The following ATRNL1 variants were observed in gnomAD, a reference collection of about 807,000 sequenced individuals.
The protein encoded by ATRNL1 is attractin like 1.
Under a neutral mutation model 182.7 loss-of-function variants are expected in ATRNL1, and 95 were observed. The observed-to-expected ratio is 0.52, with a 90% CI of 0.44 to 0.62. The LOEUF (loss-of-function observed/expected upper bound fraction) is 0.62. Ranked by LOEUF, ATRNL1 falls within the 20% of genes least tolerant of loss-of-function variation. The pLI, the probability that ATRNL1 is intolerant of heterozygous loss-of-function variation, is 0.00. For missense variants in ATRNL1, 1,471 were observed against 1,679.5 expected, an observed-to-expected ratio of 0.88 and a Z score of 2.17; for synonymous variants, 576 against 568.3, an observed-to-expected ratio of 1.01 and a Z score of -0.19.
chr10:115,473,109 T>A (rs1848380570), intron 24 of ATRNL1, among the ~76,000 whole-genome samples: 1 of 151,284 alleles, frequency 6.6e-6, no homozygotes, highest in African/African-American at 2.4e-5. Context: ...ATCATATAAT[T>A]TTTGTCCTTC....
At chr10:115,452,357 T>G (rs940001925) in intron 21 of ATRNL1, among the ~76,000 whole-genome samples, 2 of 152,214 alleles carry the variant, frequency 1.3e-5, no homozygotes, top group Non-Finnish European at 2.9e-5. Flanking sequence ...TCATAACAGA[T>G]GCTCTCTTGT....
intron 19 of ATRNL1, among the ~76,000 whole-genome samples, chr10:115,374,318 A>AT (rs1333852564): frequency 2.0e-5 from 3 of 150,702 alleles, no homozygotes; most frequent in African/African-American, 4.9e-5. Context: ...GATCTTTTTT[A>AT]TTTTTTTCTA....
At chr10:115,756,333 A>T (rs981850760) in intron 27 of ATRNL1, among the ~76,000 whole-genome samples, 3 of 152,072 alleles carry the variant, frequency 2.0e-5, no homozygotes, top group Non-Finnish European at 4.4e-5. Flanking sequence ...ACACTGCTTT[A>T]GCTGTGTCCC....
chr10:115,609,897 T>C (rs1167099772), intron 26 of ATRNL1, among the ~76,000 whole-genome samples: 1 of 152,148 alleles, frequency 6.6e-6, no homozygotes, highest in Non-Finnish European at 1.5e-5. Flanking sequence ...ACTCTGTACA[T>C]TTGGGACAAG....
At chr10:115,320,137 C>G (rs1554930948) in intron 18 of ATRNL1, among the ~76,000 whole-genome samples, 1 of 151,870 alleles carries the variant, frequency 6.6e-6, no homozygotes, top group Non-Finnish European at 1.5e-5. Flanking sequence ...TATTTTATTT[C>G]TCCTTTTCTT....
At chr10:115,849,659 A>T (rs1268748874) in intron 28 of ATRNL1, among the ~76,000 whole-genome samples, 5 of 152,172 alleles carry the variant, frequency 3.3e-5, no homozygotes, top group Non-Finnish European at 7.3e-5. Context: ...TTCACATGTG[A>T]TCCTCATGAC....
chr10:115,653,554 G>A (rs1362925144), intron 26 of ATRNL1, among the ~76,000 whole-genome samples: 1 of 152,126 alleles, frequency 6.6e-6, no homozygotes, highest in Non-Finnish European at 1.5e-5. Flanking sequence ...TCAAACAACA[G>A]TAACAATATC....
intron 10 of ATRNL1, among the ~76,000 whole-genome samples, chr10:115,258,264 T>G (rs925501160): frequency 2.2e-4 from 33 of 151,418 alleles, no homozygotes; most frequent in African/African-American, 7.9e-4. Flanking sequence ...AAATGTAGAT[T>G]TGGTCTTTTC....
intron 24 of ATRNL1, among the ~76,000 whole-genome samples, chr10:115,505,659 C>T (rs891066302): frequency 7.3e-5 from 11 of 151,288 alleles, no homozygotes; most frequent in Non-Finnish European, 1.3e-4. Flanking sequence ...ATGGAGAAAA[C>T]AGAATTCAGT....
chr10:115,256,172 C>A (rs1239779686), intron 10 of ATRNL1, among the ~76,000 whole-genome samples: 3 of 152,108 alleles, frequency 2.0e-5, no homozygotes, highest in African/African-American at 7.2e-5. Context: ...AGGGAGGATT[C>A]CCTCTTTTTC....
intron 26 of ATRNL1, among the ~76,000 whole-genome samples, chr10:115,563,723 C>G (rs1853902660): frequency 1.3e-5 from 2 of 152,000 alleles, no homozygotes; most frequent in African/African-American, 4.8e-5. Context: ...TATTTTATCT[C>G]AGAATAAAAA....
chr10:115,628,068 A>G (rs1555025179), intron 26 of ATRNL1, among the ~76,000 whole-genome samples: 2 of 149,346 alleles, frequency 1.3e-5, no homozygotes, highest in East Asian at 2.0e-4. Context: ...AATTGCTTGA[A>G]CCCGGGAGGC....
chr10:115,216,350 T>C (rs1849232024), intron 9 of ATRNL1, among the ~76,000 whole-genome samples: 3 of 152,326 alleles, frequency 2.0e-5, no homozygotes, highest in South Asian at 2.1e-4. Flanking sequence ...CAAGTCACTG[T>C]GGTAATGTGT....
intron 9 of ATRNL1, among the ~76,000 whole-genome samples, chr10:115,219,909 A>C (rs113024131): frequency 1.6e-4 from 24 of 152,280 alleles, no homozygotes; most frequent in African/African-American, 5.5e-4. Flanking sequence ...TCTCAAAAAA[A>C]CAAAAAAGAG....
intron 26 of ATRNL1, among the ~76,000 whole-genome samples, chr10:115,658,134 C>G (rs11197385): frequency 3.2e-5 from 4 of 126,964 alleles, no homozygotes; most frequent in African/African-American, 1.3e-4. Flanking sequence ...CTCGCTCTGT[C>G]GCCCAGGCTG....
At chr10:115,223,929 A>ATATATATATTTTTTT (rs1420143943) in intron 9 of ATRNL1, among the ~76,000 whole-genome samples, 12 of 44,728 alleles carry the variant, frequency 2.7e-4, no homozygotes, top group Non-Finnish European at 4.0e-4. Flanking sequence ...ATATATATAT[A>ATATATATATTTTTTT]TTTTTTTTTT....
chr10:115,238,836 G>A lies in ATRNL1; in HGVS notation c.1533-2735G>A, dbSNP rs569331651. ...CTTGCCTTATTCCTTTTCTTGGAAG[G>A]AAAACATTGTTTCTCACCATTAAAT... On this transcript the variant is annotated intron_variant, in intron 9 of 28. Coordinates refer to ENST00000355044, the MANE Select transcript of ATRNL1 (RefSeq NM_207303.4). 1.9e-4 allele frequency among the ~76,000 whole-genome samples: 29 copies of A among 152,192 alleles called. 1 individual carries two copies. The South Asian group carries it at 5.6e-3, about 29-fold the overall frequency.
chr10:115,665,894 A>G (rs1294390658), intron 26 of ATRNL1, among the ~76,000 whole-genome samples: 1 of 152,176 alleles, frequency 6.6e-6, no homozygotes, highest in East Asian at 1.9e-4. Context: ...TCACTGGTCT[A>G]TCAGACTCAT....
chr10:115,690,918 A>C (rs1405292963), intron 26 of ATRNL1, among the ~76,000 whole-genome samples: 1 of 152,066 alleles, frequency 6.6e-6, no homozygotes, highest in Non-Finnish European at 1.5e-5. Context: ...CACAGTAGGG[A>C]TGTGGACTGC....
Sources: gnomAD v4.1 joint callset for allele counts (sites outside exome capture counted in the v4.1 genomes callset) on GRCh38, gnomAD v4.1.1 for gene constraint, MANE v1.5 for transcripts, NCBI Gene and HGNC (gene_info 2026-07-23, HGNC 2026-07-21) for gene names.